TMOD2: variants seen among roughly 807,000 people sequenced by gnomAD.
The protein encoded by TMOD2 is tropomodulin 2, also known as tropomodulin-2.
A neutral mutation model predicts 39.9 loss-of-function variants in TMOD2; 22 were observed. The ratio of observed to expected loss-of-function variants is 0.55; its 90% CI spans 0.39 to 0.79. TMOD2 has a LOEUF of 0.79. Ranked by LOEUF, TMOD2 falls within the 30% of genes least tolerant of loss-of-function variation. The pLI is 0.00. For synonymous variants in TMOD2, 123 were observed against 146.1 expected, an observed-to-expected ratio of 0.84 and a Z score of 1.14; for missense variants, 386 against 413.3, an observed-to-expected ratio of 0.93 and a Z score of 0.57.
In TMOD2 at chr15:51,784,047, T is replaced by C. The variant is rs558925620; in HGVS notation, c.732+1219T>C. ...TGTCACTGTAATACTATGAGGTATA[T>C]ACTATTATTAGTTCCAACTTTAACA... On this transcript the variant is annotated intron_variant, in intron 7 of 9. Coordinates refer to ENST00000249700, the MANE Select transcript of TMOD2 (RefSeq NM_014548.4). 33 of 152,350 alleles carry C rather than the reference T, an allele frequency of 2.2e-4. No homozygotes were observed. The South Asian group carries it at 6.6e-3, about 31-fold the overall frequency. 9.4% of individuals were successfully genotyped at this position (152,350 alleles called of 1,614,324 possible).
In TMOD2 at chr15:51,809,924, G is replaced by C. The variant is rs1475416167; in HGVS notation, c.*1470G>C. On this transcript the variant is annotated 3_prime_UTR_variant, in exon 10 of 10. Transcript: ENST00000249700. ...TGTAAAACACATGGAATCTGTTTAA[G>C]ATAGCCCTTGTAAAATTGAACATTT... 1 of 152,136 alleles carries C rather than the reference G, an allele frequency of 6.6e-6. No individual in the cohort carries two copies. The highest frequency in any genetic ancestry group is 2.4e-5 in the African/African-American group (1 of 41,426). 9.4% of individuals were successfully genotyped at this position (152,136 alleles called of 1,614,324 possible).
At chr15:51,792,537 T>A (rs1344486484) in intron 7 of TMOD2, among the ~76,000 whole-genome samples, 2 of 152,308 alleles carry the variant, frequency 1.3e-5, no homozygotes, top group South Asian at 4.1e-4. Flanking sequence ...GGATTATAAA[T>A]CATTCTACTA....
intron 4 of TMOD2, 68 bp from the exon 5 acceptor site, chr15:51,776,864 C>A: frequency 7.8e-7 from 1 of 1,284,094 alleles, no homozygotes; most frequent in Non-Finnish European, 1.1e-6. Flanking sequence ...CTTCAAGGGA[C>A]AAATTAACAA....
In TMOD2 at chr15:51,810,597, G is replaced by A. The variant is rs1465981227; in HGVS notation, c.*2143G>A. On this transcript the variant is annotated 3_prime_UTR_variant, in exon 10 of 10. Transcript: ENST00000249700. ...TAAACATTCATCAGCACACCACTGG[G>A]TGAAATTATACATTTTTTTATACAT... 3 of 152,142 alleles carry A rather than the reference G, an allele frequency of 2.0e-5. No individual in the cohort carries two copies. The highest frequency in any genetic ancestry group is 4.4e-5 in the Non-Finnish European group (3 of 68,042). 9.4% of individuals were successfully genotyped at this position (152,142 alleles called of 1,614,324 possible).
Position 51,806,532 on chromosome 15 carries a change from C to G in TMOD2, c.1021+11C>G, listed in dbSNP as rs755810618. ...AGAATAATGACCTGGGTAATTCAGC[C>G]ATAATATTTGCTGTTAACAATTAGA... On this transcript the variant is annotated intron_variant, in intron 9 of 9. Coordinates refer to ENST00000249700, the MANE Select transcript of TMOD2 (RefSeq NM_014548.4). The G allele has an allele frequency of 8.7e-6, 14 of 1,613,936 alleles. No individual in the cohort carries two copies. Among genetic ancestry groups the G allele is most frequent in the Non-Finnish European group, 1.0e-5 (12 of 1,179,916 alleles).
At chr15:51,785,284 C>A (rs747856191) in intron 7 of TMOD2, among the ~76,000 whole-genome samples, 7 of 151,656 alleles carry the variant, frequency 4.6e-5, no homozygotes, top group African/African-American at 1.7e-4. Context: ...CGGTGGCGGG[C>A]GCCTGTAGTC....
chr15:51,784,664 A>G (rs910449440), intron 7 of TMOD2: 1 of 152,234 alleles, frequency 6.6e-6, no homozygotes, highest in Non-Finnish European at 1.5e-5. Flanking sequence ...TTAAAATAGA[A>G]AGATGGCAGA....
At chr15:51,800,259 G>A (rs1245413876) in intron 8 of TMOD2, among the ~76,000 whole-genome samples, 1 of 152,192 alleles carries the variant, frequency 6.6e-6, no homozygotes, top group African/African-American at 2.4e-5. Flanking sequence ...ATATAAAGAA[G>A]ACCCTGAAGT....
At chr15:51,759,983 G>A (rs763484044) in intron 1 of TMOD2, among the ~76,000 whole-genome samples, 5 of 152,176 alleles carry the variant, frequency 3.3e-5, no homozygotes, top group Non-Finnish European at 5.9e-5. Flanking sequence ...CCAGTTTCCT[G>A]CTAGTGCCCC....
intron 7 of TMOD2, among the ~76,000 whole-genome samples, chr15:51,787,895 G>A (rs1231902799): frequency 6.6e-6 from 1 of 152,152 alleles, no homozygotes; most frequent in Non-Finnish European, 1.5e-5. Context: ...CACAAAGACG[G>A]GGAGAAACCA....
chr15:51,798,665 C>G (rs772756938), intron 8 of TMOD2, among the ~76,000 whole-genome samples: 4 of 152,202 alleles, frequency 2.6e-5, no homozygotes, highest in Non-Finnish European at 4.4e-5. Context: ...ATCATTGTTG[C>G]CTTTTGGCAT....
intron 7 of TMOD2, chr15:51,783,165 C>T (rs1161387043): frequency 8.6e-6 from 2 of 231,590 alleles, no homozygotes; most frequent in African/African-American, 4.7e-5. Context: ...GACCCTAAAG[C>T]CCTTCAGGAA....
chr15:51,777,865 A>G (rs950472973), intron 5 of TMOD2, among the ~76,000 whole-genome samples: 8 of 152,208 alleles, frequency 5.3e-5, no homozygotes, highest in African/African-American at 1.7e-4. Context: ...GTGGAGAAAT[A>G]GGAACACTTT....
chr15:51,752,184 A>T (rs1446198857), intron 1 of TMOD2, among the ~76,000 whole-genome samples: 1 of 152,006 alleles, frequency 6.6e-6, no homozygotes, highest in Non-Finnish European at 1.5e-5. Context: ...GTCTTTCCTG[A>T]GATCGCTGGA....
chr15:51,774,294 T>C (rs920997056), intron 4 of TMOD2, among the ~76,000 whole-genome samples: 1 of 152,208 alleles, frequency 6.6e-6, no homozygotes, highest in African/African-American at 2.4e-5. Flanking sequence ...ATTATTATTA[T>C]TTAAAATGCA....
chr15:51,779,099 G>A (rs983709203), intron 5 of TMOD2, among the ~76,000 whole-genome samples: 1 of 152,044 alleles, frequency 6.6e-6, no homozygotes, highest in Non-Finnish European at 1.5e-5. Context: ...GGGACTACAG[G>A]TGCATGCCAC....
At chr15:51,775,117 A>G (rs2055877926) in intron 4 of TMOD2, among the ~76,000 whole-genome samples, 1 of 152,184 alleles carries the variant, frequency 6.6e-6, no homozygotes, top group Non-Finnish European at 1.5e-5. Flanking sequence ...ATGAGCTGGC[A>G]GCCATTGAGT....
At chr15:51,795,161 C>G (rs1421985739) in intron 7 of TMOD2, among the ~76,000 whole-genome samples, 59 of 152,152 alleles carry the variant, frequency 3.9e-4, no homozygotes, top group Non-Finnish European at 1.2e-4. Context: ...TGGCTCACAC[C>G]TGTAATCCCA....
At chr15:51,760,327 A>G (rs1387193372) in intron 1 of TMOD2, among the ~76,000 whole-genome samples, 2 of 152,186 alleles carry the variant, frequency 1.3e-5, no homozygotes, top group African/African-American at 4.8e-5. Flanking sequence ...GGGAGAATCC[A>G]TGTCCTTGCC....
Sources: allele counts gnomAD v4.1 joint callset (sites outside exome capture counted in the v4.1 genomes callset), GRCh38; gene constraint gnomAD v4.1.1; transcripts MANE v1.5; gene names NCBI Gene and HGNC (gene_info 2026-07-23, HGNC 2026-07-21).